The following IMMP1L variants were observed in gnomAD, a reference collection of about 807,000 sequenced individuals.
IMMP1L encodes the protein mitochondrial inner membrane protease subunit 1.
A neutral mutation model predicts 21.8 loss-of-function variants in IMMP1L; 24 were observed. The ratio of observed to expected loss-of-function variants is 1.10; its 90% CI spans 0.80 to 1.55. IMMP1L has a LOEUF of 1.55. IMMP1L is among the 40% of genes most tolerant of loss of function. The pLI, the probability that IMMP1L is intolerant of heterozygous loss-of-function variation, is 0.00. For synonymous variants in IMMP1L, 46 were observed against 62.8 expected, an observed-to-expected ratio of 0.73 and a Z score of 1.26; for missense variants, 195 against 200.7, an observed-to-expected ratio of 0.97 and a Z score of 0.17.
chr11:31,483,365 T>C lies in IMMP1L; in HGVS notation c.-29-20060A>G, dbSNP rs532900283. ...AAAATACACAGATGTATAAAGATAGTCTAAATCCTTGTCATAAGAAATTTA... is the reference window on the plus strand; with the variant it reads ...AAAATACACAGATGTATAAAGATAGCCTAAATCCTTGTCATAAGAAATTTA... On this transcript the variant is annotated intron_variant, in intron 1 of 5. Coordinates refer to ENST00000532287, the MANE Select transcript of IMMP1L (RefSeq NM_001304274.2). Among the ~76,000 whole-genome samples, 8 of 152,202 alleles carry C rather than the reference T, an allele frequency of 5.3e-5. No individual in the cohort carries two copies. In the South Asian group the frequency reaches 1.7e-3, roughly 32 times the overall value.
At chr11:31,501,794 T>C (rs1592050665) in intron 1 of IMMP1L, among the ~76,000 whole-genome samples, 2 of 42,174 alleles carry the variant, frequency 4.7e-5, no homozygotes, top group Non-Finnish European at 1.2e-4. Context: ...TCTCTACAAA[T>C]AAATAAATAA....
At chr11:31,450,849 C>T (rs905923370) in intron 4 of IMMP1L, among the ~76,000 whole-genome samples, 11 of 152,064 alleles carry the variant, frequency 7.2e-5, no homozygotes, top group Non-Finnish European at 1.6e-4. Flanking sequence ...TCTGTCCACC[C>T]TTCAAGAATT....
At chr11:31,435,998 ATTG>A (rs1469336216) in intron 4 of IMMP1L, among the ~76,000 whole-genome samples, 1 of 151,666 alleles carries the variant, frequency 6.6e-6, no homozygotes, top group Non-Finnish European at 1.5e-5. Context: ...CATTTATTTG[ATTG>A]TTGGCAGTGT....
chr11:31,491,005 C>T (rs1311353811), intron 1 of IMMP1L, among the ~76,000 whole-genome samples: 3 of 152,094 alleles, frequency 2.0e-5, no homozygotes, highest in African/African-American at 4.8e-5. Context: ...AAGAAGGATG[C>T]CCCCCTAGAG....
In IMMP1L at chr11:31,467,759, T is replaced by C. The variant is rs143200629; in HGVS notation, c.-29-4454A>G. ...AAACATTGTTGGTCAAAAAGATATTTGAAAAGTATCAAAGTAGATAATTTT... is the reference window on the plus strand; with the variant it reads ...AAACATTGTTGGTCAAAAAGATATTCGAAAAGTATCAAAGTAGATAATTTT... On this transcript the variant is annotated intron_variant, in intron 1 of 5. Coordinates refer to ENST00000532287, the MANE Select transcript of IMMP1L (RefSeq NM_001304274.2). 6.2e-3 allele frequency among the ~76,000 whole-genome samples: 929 copies of C among 150,330 alleles called. 10 individuals carry two copies. Among genetic ancestry groups the C allele is most frequent in the African/African-American group, 0.022 (884 of 40,526 alleles).
intron 1 of IMMP1L, 59 bp from the exon 2 acceptor site, chr11:31,463,364 A>T: frequency 7.2e-7 from 1 of 1,392,722 alleles, no homozygotes; most frequent in South Asian, 1.9e-5. Flanking sequence ...CTTAAGAAAT[A>T]ACTATTGTAA....
chr11:31,466,421 A>T (rs1376080490), intron 1 of IMMP1L, among the ~76,000 whole-genome samples: 1 of 152,136 alleles, frequency 6.6e-6, no homozygotes, highest in East Asian at 1.9e-4. Flanking sequence ...GAAAGAAAGG[A>T]AATCAGTATA....
chr11:31,483,696 C>T (rs1306417401), intron 1 of IMMP1L, among the ~76,000 whole-genome samples: 2 of 151,816 alleles, frequency 1.3e-5, no homozygotes, highest in East Asian at 3.9e-4. Context: ...TATATGATTG[C>T]CGTTTTCACT....
At chr11:31,491,178 G>T (rs1232717643) in intron 1 of IMMP1L, among the ~76,000 whole-genome samples, 1 of 152,158 alleles carries the variant, frequency 6.6e-6, no homozygotes, top group African/African-American at 2.4e-5. Context: ...GAGTGTTGCT[G>T]TGATACCTAA....
chr11:31,460,762 T>G (rs1329457065), intron 2 of IMMP1L, 48 bp from the exon 3 acceptor site: 1 of 1,221,410 alleles, frequency 8.2e-7, no homozygotes, highest in South Asian at 1.3e-5. Flanking sequence ...CTCTTTTAAA[T>G]TTAACATAAA....
At chr11:31,490,356 C>T (rs575533133) in intron 1 of IMMP1L, among the ~76,000 whole-genome samples, 2 of 152,010 alleles carry the variant, frequency 1.3e-5, no homozygotes, top group South Asian at 2.1e-4. Flanking sequence ...CCTGTAATCC[C>T]AGCTACTCGA....
chr11:31,459,923 G>A (rs1240616774), intron 3 of IMMP1L, among the ~76,000 whole-genome samples: 1 of 152,134 alleles, frequency 6.6e-6, no homozygotes, highest in Non-Finnish European at 1.5e-5. Flanking sequence ...TTGGGAGGCT[G>A]AGGTGAGCGG....
rs567528764 is a variant in IMMP1L at position 31,472,976 on chromosome 11, C to T, written c.-29-9671G>A. 1.4e-3 allele frequency among the ~76,000 whole-genome samples: 220 copies of T among 152,296 alleles called. 2 individuals carry two copies. The highest frequency in any genetic ancestry group is 2.1e-3 in the Non-Finnish European group (144 of 68,018). ...CGCCTCCCAGGTTCACACCATTCTC[C>T]TGCCTCAGCCTCCCGAGTAGCTGGG... On this transcript the variant is annotated intron_variant, in intron 1 of 5. Transcript: ENST00000532287.
In IMMP1L at chr11:31,445,916, A is replaced by G. The variant is rs540489119; in HGVS notation, c.321+10344T>C. 1.2e-4 allele frequency among the ~76,000 whole-genome samples: 18 copies of G among 152,336 alleles called. No individual in the cohort carries two copies. The South Asian group carries it at 3.7e-3, about 32-fold the overall frequency. ...TTTGACTAGGAGACAGAAACAGACT[A>G]TGGACATCAAGGAGGGAATAGCAAA... On this transcript the variant is annotated intron_variant, in intron 4 of 5. Transcript: ENST00000532287.
intron 1 of IMMP1L, among the ~76,000 whole-genome samples, chr11:31,464,555 C>T (rs984586940): frequency 3.9e-5 from 6 of 152,044 alleles, no homozygotes; most frequent in African/African-American, 1.2e-4. Flanking sequence ...ACTAGCAAAC[C>T]AAACCCAACA....
chr11:31,461,448 T>C (rs1011462536), intron 2 of IMMP1L, among the ~76,000 whole-genome samples: 5 of 152,212 alleles, frequency 3.3e-5, no homozygotes, highest in African/African-American at 7.2e-5. Context: ...TATTTGTATG[T>C]CTCAAAACAA....
chr11:31,444,032 C>T (rs917165471), intron 4 of IMMP1L, among the ~76,000 whole-genome samples: 2 of 152,180 alleles, frequency 1.3e-5, no homozygotes, highest in South Asian at 4.1e-4. Flanking sequence ...ATACCTCCAT[C>T]TAGCCTGAAT....
chr11:31,493,074 A>C (rs1384463120), intron 1 of IMMP1L, among the ~76,000 whole-genome samples: 2 of 152,226 alleles, frequency 1.3e-5, no homozygotes, highest in Non-Finnish European at 2.9e-5. Flanking sequence ...CGATACAGGG[A>C]AGCACAAATA....
At chr11:31,500,563 C>T (rs930322968) in intron 1 of IMMP1L, among the ~76,000 whole-genome samples, 1 of 151,368 alleles carries the variant, frequency 6.6e-6, no homozygotes, top group Non-Finnish European at 1.5e-5. Context: ...AGACACTCCT[C>T]TCTCCCCTCC....
Sources: allele counts gnomAD v4.1 joint callset (sites outside exome capture counted in the v4.1 genomes callset), GRCh38; gene constraint gnomAD v4.1.1; transcripts MANE v1.5; gene names NCBI Gene and HGNC (gene_info 2026-07-23, HGNC 2026-07-21).